The following DUSP22 variants were observed in gnomAD, a reference collection of about 807,000 sequenced individuals.
DUSP22 encodes dual specificity protein phosphatase 22.
A neutral mutation model predicts 24.5 loss-of-function variants in DUSP22; 24 were observed. The observed-to-expected ratio is 0.98, with a 90% CI of 0.71 to 1.38. The LOEUF (loss-of-function observed/expected upper bound fraction) is 1.38. DUSP22 is among the 40% of genes most tolerant of loss of function. The probability of loss-of-function intolerance (pLI) is 0.00; values close to 1 mark genes in which losing one functional copy is unlikely to be tolerated. For missense variants in DUSP22, 330 were observed against 269.2 expected, an observed-to-expected ratio of 1.23 and a Z score of -1.58; for synonymous variants, 160 against 106.4, an observed-to-expected ratio of 1.50 and a Z score of -3.10.
chr6:310,576 A>G (rs1758036244), intron 2 of DUSP22, among the ~76,000 whole-genome samples: 1 of 152,312 alleles, frequency 6.6e-6, no homozygotes, highest in African/African-American at 2.4e-5. Context: ...TAAAGTGAAT[A>G]TAGATGATGT....
At chr6:309,544 T>C (rs999181184) in intron 2 of DUSP22, among the ~76,000 whole-genome samples, 2 of 152,308 alleles carry the variant, frequency 1.3e-5, no homozygotes, top group Non-Finnish European at 2.9e-5. Context: ...GCTGAATGTT[T>C]AGAACAATGT....
intron 3 of DUSP22, among the ~76,000 whole-genome samples, chr6:334,627 T>C (rs556275167): frequency 1.5e-3 from 229 of 152,356 alleles, no homozygotes; most frequent in Non-Finnish European, 2.5e-3. Context: ...TATTGGTGCG[T>C]CAGTGAAATT....
At chr6:326,088 C>T (rs55913494) in intron 3 of DUSP22, 2 of 144,502 alleles carry the variant, frequency 1.4e-5, no homozygotes, top group African/African-American at 3.9e-5. Context: ...CTGGGCTTCC[C>T]CGTCCTGGTG....
At chr6:300,602 C>T (rs1173780336) in intron 1 of DUSP22, among the ~76,000 whole-genome samples, 6 of 152,298 alleles carry the variant, frequency 3.9e-5, no homozygotes, top group African/African-American at 1.4e-4. Flanking sequence ...CAGTGAAGTC[C>T]AGAAAGGGCA....
chr6:315,681 G>C (rs1758309414), intron 3 of DUSP22, among the ~76,000 whole-genome samples: 1 of 152,302 alleles, frequency 6.6e-6, no homozygotes, highest in African/African-American at 2.4e-5. Context: ...CAAGATTTTT[G>C]CTGTTATTTG....
chr6:334,550 A>T (rs1212556686), intron 3 of DUSP22, among the ~76,000 whole-genome samples: 2 of 152,294 alleles, frequency 1.3e-5, no homozygotes, highest in South Asian at 2.1e-4. Context: ...TTTTTGTTTG[A>T]TATATAAACC....
intron 1 of DUSP22, among the ~76,000 whole-genome samples, chr6:303,844 G>A (rs1318629805): frequency 1.3e-5 from 2 of 152,302 alleles, no homozygotes; most frequent in Non-Finnish European, 2.9e-5. Context: ...ATTCCATGCG[G>A]GGGCTGGAGG....
Position 351,139 on chromosome 6 carries a change from G to A in DUSP22, c.*2188G>A, listed in dbSNP as rs1399709158. The stretch of plus-strand genomic sequence containing the variant: ...CCCGGGAGCCTTGCCGCACTGCCTT[G>A]TGGGTGGCTTGGCGCTCGTGATTGC... On this transcript the variant is annotated 3_prime_UTR_variant, in exon 7 of 7. Coordinates refer to ENST00000419235, the MANE Select transcript of DUSP22 (RefSeq NM_001286555.3). 8 of 538,016 alleles carry A rather than the reference G, an allele frequency of 1.5e-5. No individual in the cohort carries two copies. Among genetic ancestry groups the A allele is most frequent in the African/African-American group, 3.8e-5 (2 of 52,866 alleles). The allele number at this position is 538,016 out of a possible 1,614,324, so 33.3% of individuals were successfully genotyped here.
Position 350,343 on chromosome 6 carries a change from GGTCTA to G in DUSP22, c.*1396_*1400del. 9.7e-7 allele frequency: 1 copy of G among 1,027,352 alleles called. No individual in the cohort carries two copies. The highest frequency in any genetic ancestry group is 1.2e-6 in the Non-Finnish European group (1 of 856,134). 63.6% of individuals were successfully genotyped at this position (1,027,352 alleles called of 1,614,324 possible). A position where few individuals can be genotyped will look rare whatever the true frequency, so the allele number is the denominator to read the frequency against. On this transcript the variant is annotated 3_prime_UTR_variant, in exon 7 of 7. Transcript: ENST00000419235. ...CCTGGGACGCTGTACGCAATTCAGT[GGTCTA>G]GTCCTTTATACCGACTCAGATTCCT...
At chr6:312,009 C>T (rs200176387) in intron 3 of DUSP22, 47 bp downstream of exon 3, 4,685 of 1,579,122 alleles carry the variant, frequency 3.0e-3, no homozygotes, top group Middle Eastern at 0.018. Context: ...ATTTGTATTC[C>T]GTGGGAGTAC....
chr6:298,195 A>C, intron 1 of DUSP22, among the ~76,000 whole-genome samples: 1 of 152,306 alleles, frequency 6.6e-6, no homozygotes, highest in East Asian at 1.9e-4. Context: ...GCAGTGTTCT[A>C]AGGGCCCAGG....
chr6:307,391 T>C (rs6929828), intron 2 of DUSP22, among the ~76,000 whole-genome samples: 4,313 of 150,754 alleles, frequency 0.029, 1 homozygote, highest in African/African-American at 0.098. Context: ...CCTGTCACTC[T>C]GCAACTCTTA....
chr6:348,466 C>A (rs549311537), intron 6 of DUSP22, 192 bp downstream of exon 6: 2 of 998,490 alleles, frequency 2.0e-6, no homozygotes, highest in Non-Finnish European at 2.9e-6. Context: ...AAGCCACAGG[C>A]GCCTACCCTT....
At chr6:339,150 C>CTA (rs1373343249) in intron 4 of DUSP22, among the ~76,000 whole-genome samples, 1 of 152,300 alleles carries the variant, frequency 6.6e-6, no homozygotes, top group Non-Finnish European at 1.5e-5. Flanking sequence ...TAGAGGCGTC[C>CTA]TAGAGTTTGT....
chr6:332,693 A>C (rs1679137042), intron 3 of DUSP22, among the ~76,000 whole-genome samples: 1 of 134,452 alleles, frequency 7.4e-6, no homozygotes, highest in South Asian at 2.3e-4. Context: ...GGCTGATTTT[A>C]GATTCTGCTG....
At chr6:303,579 G>T (rs1466049296) in intron 1 of DUSP22, among the ~76,000 whole-genome samples, 1 of 152,310 alleles carries the variant, frequency 6.6e-6, no homozygotes, top group Non-Finnish European at 1.5e-5. Context: ...GAGCTGCAGG[G>T]TTGGCAGACA....
chr6:340,707 A>G (rs1421299271), intron 4 of DUSP22, among the ~76,000 whole-genome samples: 1 of 152,294 alleles, frequency 6.6e-6, no homozygotes, highest in Admixed American at 6.5e-5. Context: ...TGCTGCTGTT[A>G]TAGCGTGGTC....
rs1344532407 is a variant in DUSP22, at chr6:348,219, C to G, written c.380C>G (p.Pro127Arg). Residue 127 changes from proline to arginine, a missense_variant, in exon 6 of 7, where the codon CCC (proline) becomes CGC (arginine). Transcript: ENST00000419235. ...CGTGCTGGGAGATCCTGTGCCAACC[C>G]CAACGTGGGCTTCCAGAGACAGCTC... ...TVRAGRSCAN[P>R]NVGFQRQLQE... is the part of the protein sequence containing the mutation. The G allele has an allele frequency of 6.2e-7, 1 of 1,614,310 alleles. No homozygotes were observed. Among genetic ancestry groups the G allele is most frequent in the Non-Finnish European group, 8.5e-7 (1 of 1,180,058 alleles).
intron 3 of DUSP22, among the ~76,000 whole-genome samples, chr6:332,687 G>T (rs1039481431): frequency 4.1e-5 from 6 of 147,972 alleles, no homozygotes; most frequent in Non-Finnish European, 7.4e-5. Flanking sequence ...AGACTAGGCT[G>T]ATTTTAGATT....
Sources: gnomAD v4.1 joint callset for allele counts (sites outside exome capture counted in the v4.1 genomes callset) on GRCh38, gnomAD v4.1.1 for gene constraint, MANE v1.5 for transcripts, NCBI Gene and HGNC (gene_info 2026-07-23, HGNC 2026-07-21) for gene names.